CXCL13: variants seen among roughly 807,000 people sequenced by gnomAD.
CXCL13 encodes C-X-C motif chemokine ligand 13.
CXCL13 carries 7 observed loss-of-function variants against 12.2 expected under a neutral mutation model. The ratio of observed to expected loss-of-function variants is 0.57; its 90% CI spans 0.33 to 1.07. CXCL13 has a LOEUF of 1.07. Ranked by LOEUF, CXCL13 falls within the 50% of genes least tolerant of loss-of-function variation. The pLI, the probability that CXCL13 is intolerant of heterozygous loss-of-function variation, is 0.04. For missense variants in CXCL13, 113 were observed against 127.4 expected, an observed-to-expected ratio of 0.89 and a Z score of 0.55; for synonymous variants, 47 against 42.4, an observed-to-expected ratio of 1.11 and a Z score of -0.42.
intron 1 of CXCL13, among the ~76,000 whole-genome samples, chr4:77,513,025 G>T (rs1344616575): frequency 6.6e-6 from 1 of 152,090 alleles, no homozygotes; most frequent in Non-Finnish European, 1.5e-5. Context: ...GAGAACATGT[G>T]GTGTTTGGTT....
chr4:77,606,012 C>T (rs762419012), intron 1 of CXCL13, 83 bp downstream of exon 1: 1 of 941,434 alleles, frequency 1.1e-6, no homozygotes, highest in Admixed American at 2.1e-5. Flanking sequence ...TTAAAAACCG[C>T]AGGGAAGTCT....
At chr4:77,574,652 G>C (rs1480134495) in intron 1 of CXCL13, among the ~76,000 whole-genome samples, 1 of 151,918 alleles carries the variant, frequency 6.6e-6, no homozygotes, top group Non-Finnish European at 1.5e-5. Context: ...GCTGATTATA[G>C]AATGAGCTGA....
At chr4:77,596,196 C>T (rs931327356) in intron 1 of CXCL13, among the ~76,000 whole-genome samples, 3 of 152,206 alleles carry the variant, frequency 2.0e-5, no homozygotes, top group African/African-American at 4.8e-5. Flanking sequence ...AAAACACTAA[C>T]AGTGTGTGTC....
rs570132400 is a variant in CXCL13, at chr4:77,524,267, A to G, written c.-43+12479A>G. Among the ~76,000 whole-genome samples, 8 of 152,310 alleles carry G rather than the reference A, an allele frequency of 5.3e-5. 1 individual carries two copies. Among genetic ancestry groups the G allele is most frequent in the Admixed American group, 4.6e-4 (7 of 15,300 alleles). On this transcript the variant is annotated intron_variant, in intron 1 of 4. Coordinates refer to the CXCL13 transcript ENST00000286758. ...GGAGAACCCCTTCTCTCTTCAGAGA[A>G]GGCAGACCAGGATGTTTAAGTCTGC...
chr4:77,515,192 C>T (rs1724384298), intron 1 of CXCL13, among the ~76,000 whole-genome samples: 3 of 152,286 alleles, frequency 2.0e-5, no homozygotes, highest in South Asian at 4.1e-4. Flanking sequence ...CAGTGCCATG[C>T]TGTTTTGGTT....
intron 1 of CXCL13, among the ~76,000 whole-genome samples, chr4:77,517,518 T>C (rs1724455966): frequency 6.6e-6 from 1 of 152,340 alleles, no homozygotes; most frequent in Non-Finnish European, 1.5e-5. Context: ...ATATTTAGGA[T>C]AGTTAGTTCT....
At chr4:77,545,205 G>T (rs993976994) in intron 1 of CXCL13, among the ~76,000 whole-genome samples, 9 of 152,032 alleles carry the variant, frequency 5.9e-5, no homozygotes, top group African/African-American at 2.2e-4. Flanking sequence ...TGTTCTTTTG[G>T]CTTAGGACTG....
intron 1 of CXCL13, among the ~76,000 whole-genome samples, chr4:77,546,568 G>A (rs188199450): frequency 6.6e-6 from 1 of 152,120 alleles, no homozygotes; most frequent in Non-Finnish European, 1.5e-5. Context: ...ATGGTAGTTT[G>A]TATTTCTGTG....
chr4:77,529,717 G>T (rs895128273), intron 1 of CXCL13, among the ~76,000 whole-genome samples: 11 of 152,286 alleles, frequency 7.2e-5, no homozygotes, highest in African/African-American at 2.6e-4. Flanking sequence ...CATGTCATCT[G>T]CAAACAGGGA....
chr4:77,516,208 G>C (rs976073732), intron 1 of CXCL13, among the ~76,000 whole-genome samples: 1 of 152,148 alleles, frequency 6.6e-6, no homozygotes, highest in Non-Finnish European at 1.5e-5. Context: ...GATTCAGTTT[G>C]CCAGTTTTTT....
intron 1 of CXCL13, among the ~76,000 whole-genome samples, chr4:77,518,071 G>T (rs998406187): frequency 6.6e-6 from 1 of 152,156 alleles, no homozygotes; most frequent in Non-Finnish European, 1.5e-5. Flanking sequence ...TTTGGCTGGA[G>T]ATGAAATTCT....
intron 1 of CXCL13, among the ~76,000 whole-genome samples, chr4:77,513,927 G>T (rs1352730537): frequency 1.3e-5 from 2 of 151,808 alleles, no homozygotes; most frequent in Admixed American, 1.3e-4. Flanking sequence ...CTAGCATTAG[G>T]TATATCTCCC....
intron 1 of CXCL13, among the ~76,000 whole-genome samples, chr4:77,528,624 T>C (rs1246924022): frequency 1.3e-5 from 2 of 152,236 alleles, no homozygotes; most frequent in Admixed American, 6.5e-5. Context: ...TTGATGGGCC[T>C]GTTTGTTTTT....
intron 1 of CXCL13, among the ~76,000 whole-genome samples, chr4:77,586,254 T>C (rs1726455247): frequency 6.6e-6 from 1 of 151,888 alleles, no homozygotes; most frequent in South Asian, 2.1e-4. Flanking sequence ...AATGCCATCC[T>C]AGATAAGCTA....
rs143667211 is a variant in CXCL13, at chr4:77,584,515, A to G, written c.-42-21309A>G. 1.1e-3 allele frequency among the ~76,000 whole-genome samples: 165 copies of G among 152,352 alleles called. 2 individuals carry two copies. In the East Asian group the frequency reaches 0.022, roughly 20 times the overall value. ...GAAAATAATCTCAACATTTGACAGAAAGTAAAATTAGATTGTTTCAAAGTC... is the reference window on the plus strand; with the variant it reads ...GAAAATAATCTCAACATTTGACAGAGAGTAAAATTAGATTGTTTCAAAGTC... On this transcript the variant is annotated intron_variant, in intron 1 of 4. Coordinates refer to the CXCL13 transcript ENST00000286758.
intron 1 of CXCL13, among the ~76,000 whole-genome samples, chr4:77,559,673 A>G (rs1371060557): frequency 2.0e-5 from 3 of 152,094 alleles, no homozygotes; most frequent in Non-Finnish European, 4.4e-5. Context: ...CTGTAATCCC[A>G]GTATTTTGGG....
chr4:77,558,494 A>T (rs1725718499), intron 1 of CXCL13, among the ~76,000 whole-genome samples: 1 of 152,218 alleles, frequency 6.6e-6, no homozygotes, highest in Non-Finnish European at 1.5e-5. Context: ...CTGGGACTAC[A>T]GGTGTAAGTC....
At chr4:77,536,446 G>A (rs961756178) in intron 1 of CXCL13, among the ~76,000 whole-genome samples, 1 of 152,138 alleles carries the variant, frequency 6.6e-6, no homozygotes, top group Non-Finnish European at 1.5e-5. Context: ...GAGCCAGTCT[G>A]CCTGGGTTCA....
chr4:77,572,764 A>G lies in CXCL13; in HGVS notation c.-42-33060A>G, dbSNP rs540688243. ...TACCAAAGGGAATATAAATTGTTCTATTATAAAGACACATGCACACATATA... is the reference window on the plus strand; with the variant it reads ...TACCAAAGGGAATATAAATTGTTCTGTTATAAAGACACATGCACACATATA... On this transcript the variant is annotated intron_variant, in intron 1 of 4. Transcript: ENST00000286758. Among the ~76,000 whole-genome samples, 65 of 151,960 alleles carry G rather than the reference A, an allele frequency of 4.3e-4. 1 individual carries two copies. Among genetic ancestry groups the G allele is most frequent in the Non-Finnish European group, 7.8e-4 (53 of 68,034 alleles).
Sources: gnomAD v4.1 joint callset for allele counts (sites outside exome capture counted in the v4.1 genomes callset) on GRCh38, gnomAD v4.1.1 for gene constraint, MANE v1.5 for transcripts, NCBI Gene and HGNC (gene_info 2026-07-23, HGNC 2026-07-21) for gene names.